The following GALK2 variants were observed in gnomAD, a reference collection of about 807,000 sequenced individuals.
GALK2 encodes the protein galactokinase 2.
Under a neutral mutation model 52.4 loss-of-function variants are expected in GALK2, and 36 were observed. The ratio of observed to expected loss-of-function variants is 0.69; its 90% CI spans 0.53 to 0.91. The LOEUF is 0.91. Among genes scored for constraint, GALK2 ranks in the 40% least tolerant of loss-of-function variants. GALK2 has a pLI of 0.00. For synonymous variants in GALK2, 176 were observed against 199.1 expected (o/e 0.88, Z 0.98); for missense variants, 579 against 559.1 (o/e 1.04, Z -0.36).
intron 3 of GALK2, among the ~76,000 whole-genome samples, chr15:49,358,708 G>T (rs2151380028): frequency 6.6e-6 from 1 of 151,356 alleles, no homozygotes; most frequent in African/African-American, 2.4e-5. Flanking sequence ...AGCTACCAAT[G>T]ACTTTCTTCA....
At position 49,331,660 on chromosome 15, in the gene GALK2, T is replaced by C; in HGVS notation, c.*3501T>C. ...TGTAGATGATTAAGTAACAAGAATG[T>C]ATCCTCTCCTGCCACTGTAATTTGG... On this transcript the variant is annotated 3_prime_UTR_variant, in exon 10 of 10. Coordinates refer to ENST00000560031, the MANE Select transcript of GALK2 (RefSeq NM_002044.4). 1.5e-6 allele frequency: 1 copy of C among 650,488 alleles called. No individual in the cohort carries two copies. Among genetic ancestry groups the C allele is most frequent in the Non-Finnish European group, 2.8e-6 (1 of 361,092 alleles). The allele number at this position is 650,488 out of a possible 1,614,324, so 40.3% of individuals were successfully genotyped here. A position where few individuals can be genotyped will look rare whatever the true frequency, so the allele number is the denominator to read the frequency against.
chr15:49,332,114 CACACAT>C (rs1249907379), downstream of GALK2, among the ~76,000 whole-genome samples: 1 of 149,252 alleles, frequency 6.7e-6, no homozygotes, highest in African/African-American at 2.5e-5. Flanking sequence ...CACACACACA[CACACAT>C]CCACAACAGT....
At chr15:49,184,472 G>A (rs541174914) in intron 1 of GALK2, among the ~76,000 whole-genome samples, 3 of 152,030 alleles carry the variant, frequency 2.0e-5, no homozygotes, top group African/African-American at 7.2e-5. Context: ...GTCCATTTAC[G>A]TTCAATGTTA....
At chr15:49,305,856 C>T (rs1308731895) in intron 8 of GALK2, among the ~76,000 whole-genome samples, 2 of 152,204 alleles carry the variant, frequency 1.3e-5, no homozygotes, top group African/African-American at 4.8e-5. Context: ...TGTGCATTCA[C>T]TTCCCAACTG....
At chr15:49,185,136 C>T (rs921470239) in intron 1 of GALK2, among the ~76,000 whole-genome samples, 5 of 152,106 alleles carry the variant, frequency 3.3e-5, no homozygotes, top group Non-Finnish European at 4.4e-5. Flanking sequence ...TCCTCCTTTC[C>T]TCTCTCTAGT....
At position 49,237,463 on chromosome 15, in the gene GALK2, T is replaced by G. The variant is rs1160826378; in HGVS notation, c.357+1522T>G. ...CATAATACGTTGTTTTTTGTTTTTGTTTTTTTGTTTTTGTTTTTGTTTTTG... is the reference window on the plus strand; with the variant it reads ...CATAATACGTTGTTTTTTGTTTTTGGTTTTTTGTTTTTGTTTTTGTTTTTG... On this transcript the variant is annotated intron_variant, in intron 4 of 9. Transcript: ENST00000560031. 2.0e-5 allele frequency among the ~76,000 whole-genome samples: 3 copies of G among 151,998 alleles called. No homozygotes were observed. In the East Asian group the frequency reaches 5.8e-4, roughly 30 times the overall value.
chr15:49,182,710 G>C (rs547384956), intron 1 of GALK2, among the ~76,000 whole-genome samples: 10 of 151,994 alleles, frequency 6.6e-5, no homozygotes, highest in Non-Finnish European at 1.5e-4. Context: ...TTATCTTATT[G>C]CAGTTTTAAT....
At chr15:49,217,427 G>T (rs1372308534) in intron 3 of GALK2, 114 bp downstream of exon 3, 3 of 1,050,990 alleles carry the variant, frequency 2.9e-6, no homozygotes, top group African/African-American at 1.6e-5. Flanking sequence ...GATATTTTGT[G>T]TCTGACATTA....
intron 3 of GALK2, among the ~76,000 whole-genome samples, chr15:49,223,764 C>G (rs1234284526): frequency 6.6e-6 from 1 of 151,924 alleles, no homozygotes; most frequent in African/African-American, 2.4e-5. Context: ...GTATGTATAC[C>G]ACAGTTTCTT....
In GALK2 at chr15:49,202,820, A is replaced by G. The variant is rs2087899573; in HGVS notation, c.142+1570A>G. On this transcript the variant is annotated intron_variant, in intron 2 of 9. Transcript: ENST00000560031. ...TATACTAATTTACTTTCCCACCAAC[A>G]GTGTAGAAGAATTCTTATTTCTCTG... 2.0e-5 allele frequency among the ~76,000 whole-genome samples: 3 copies of G among 152,288 alleles called. No individual in the cohort carries two copies. The South Asian group carries it at 6.2e-4, about 32-fold the overall frequency.
chr15:49,362,338 T>G (rs1007943224), intron 3 of GALK2, among the ~76,000 whole-genome samples: 1 of 152,124 alleles, frequency 6.6e-6, no homozygotes. Flanking sequence ...TGAAGAAGGT[T>G]CTTGCTTCCC....
At chr15:49,219,258 A>G (rs999806218) in intron 3 of GALK2, among the ~76,000 whole-genome samples, 1 of 152,114 alleles carries the variant, frequency 6.6e-6, no homozygotes, top group Non-Finnish European at 1.5e-5. Flanking sequence ...AGTCTTTCCC[A>G]TGCTGTTCTT....
intron 7 of GALK2, among the ~76,000 whole-genome samples, chr15:49,284,510 C>T (rs1398924754): frequency 6.6e-6 from 1 of 152,100 alleles, no homozygotes; most frequent in East Asian, 1.9e-4. Flanking sequence ...AGGACTGAGG[C>T]TGGAGGCTAG....
intron 1 of GALK2, among the ~76,000 whole-genome samples, chr15:49,193,661 G>C (rs1470758352): frequency 6.6e-6 from 1 of 151,678 alleles, no homozygotes; most frequent in African/African-American, 2.4e-5. Flanking sequence ...TGTAAGATAT[G>C]GATCTAATTT....
chr15:49,204,276 CTT>C (rs1274913650), intron 2 of GALK2, among the ~76,000 whole-genome samples: 26 of 150,920 alleles, frequency 1.7e-4, no homozygotes, highest in Non-Finnish European at 3.1e-4. Flanking sequence ...CTTTTCTTTT[CTT>C]CTTCTTCTTC....
At chr15:49,217,756 A>G (rs2089498202) in intron 3 of GALK2, among the ~76,000 whole-genome samples, 1 of 152,216 alleles carries the variant, frequency 6.6e-6, no homozygotes, top group Non-Finnish European at 1.5e-5. Flanking sequence ...GACTTCAGGC[A>G]TTGTTGCCTC....
chr15:49,360,383 T>C (rs1271549939), intron 3 of GALK2, among the ~76,000 whole-genome samples: 2 of 152,184 alleles, frequency 1.3e-5, no homozygotes, highest in Non-Finnish European at 1.5e-5. Context: ...ATGTTAGCAA[T>C]ACAGATATGG....
intron 3 of GALK2, among the ~76,000 whole-genome samples, chr15:49,219,682 G>A (rs2089650258): frequency 1.3e-5 from 2 of 152,124 alleles, no homozygotes; most frequent in African/African-American, 4.8e-5. Context: ...ATTGTGGCAT[G>A]CACCTGTAAT....
chr15:49,246,274 A>G (rs2091348002), intron 5 of GALK2, among the ~76,000 whole-genome samples: 1 of 152,186 alleles, frequency 6.6e-6, no homozygotes, highest in Non-Finnish European at 1.5e-5. Context: ...TAGAATAGAA[A>G]TAGCTGGCCT....
Sources: allele counts gnomAD v4.1 joint callset (sites outside exome capture counted in the v4.1 genomes callset), GRCh38; gene constraint gnomAD v4.1.1; transcripts MANE v1.5; gene names NCBI Gene and HGNC (gene_info 2026-07-23, HGNC 2026-07-21).